RBFOX2: variants seen among roughly 807,000 people sequenced by gnomAD.
RBFOX2 encodes RNA binding fox-1 homolog 2, also known as RNA binding protein fox-1 homolog 2.
RBFOX2 carries 10 observed loss-of-function variants against 49.1 expected under a neutral mutation model. The ratio of observed to expected loss-of-function variants is 0.20; its 90% CI spans 0.13 to 0.35. The LOEUF (loss-of-function observed/expected upper bound fraction) is 0.35. Among genes scored for constraint, RBFOX2 ranks in the 10% least tolerant of loss-of-function variants. The pLI is 1.00. For synonymous variants in RBFOX2, 183 were observed against 187.4 expected, an observed-to-expected ratio of 0.98 and a Z score of 0.19; for missense variants, 323 against 486.9, an observed-to-expected ratio of 0.66 and a Z score of 3.17.
At chr22:35,875,607 G>GGTGTGTGTGTGTGTGT (rs56137825) in intron 1 of RBFOX2, among the ~76,000 whole-genome samples, 5 of 117,726 alleles carry the variant, frequency 4.2e-5, no homozygotes, top group Admixed American at 8.8e-5. Context: ...TGCTCACAAG[G>GGTGTGTGTGTGTGTGT]GTGTGTGTGT....
chr22:35,826,305 G>A (rs903489115), intron 1 of RBFOX2, among the ~76,000 whole-genome samples: 18 of 137,068 alleles, frequency 1.3e-4, no homozygotes, highest in Non-Finnish European at 2.6e-4. Flanking sequence ...TCGCGCCATC[G>A]CAGTCCAGCC....
At chr22:35,939,505 C>T (rs903169138), upstream of RBFOX2, among the ~76,000 whole-genome samples, 1 of 152,148 alleles carries the variant, frequency 6.6e-6, no homozygotes, top group African/African-American at 2.4e-5. Flanking sequence ...AAGACTTCCT[C>T]TACTACTCTA....
intron 2 of RBFOX2, among the ~76,000 whole-genome samples, chr22:35,792,657 A>T (rs1202328569): frequency 6.6e-6 from 1 of 152,246 alleles, no homozygotes; most frequent in Non-Finnish European, 1.5e-5. Context: ...GAAAATGAGC[A>T]TTGGAGTTCT....
At chr22:35,901,357 A>T (rs2048547127) in intron 1 of RBFOX2, among the ~76,000 whole-genome samples, 1 of 152,222 alleles carries the variant, frequency 6.6e-6, no homozygotes, top group East Asian at 1.9e-4. Context: ...GACTTTAAAT[A>T]ACAAATGAAG....
rs1556494263 is a variant in RBFOX2 at position 35,970,494 on chromosome 22, A to AAC, written c.187-31599_187-31598dup. On this transcript the variant is annotated intron_variant, in intron 1 of 13. Transcript: ENST00000438146. Reference sequence around the variant, plus strand: ...TGAGACCCATCTCAAAAAAAAAAAAAACACACACACTCTTCAATTAACCAG... The same window carrying AAC: ...TGAGACCCATCTCAAAAAAAAAAAAAACACACACACACTCTTCAATTAACCAG... Among the ~76,000 whole-genome samples, 338 of 151,054 alleles carry AAC rather than the reference A, an allele frequency of 2.2e-3. 1 individual carries two copies. The highest frequency in any genetic ancestry group is 8.1e-3 in the African/African-American group (329 of 40,792).
At chr22:35,755,964 T>A (rs1936776940) in intron 9 of RBFOX2, 141 bp downstream of exon 11, 3 of 358,094 alleles carry the variant, frequency 8.4e-6, no homozygotes. Flanking sequence ...TAAATATATA[T>A]ATATATATAT....
At chr22:35,885,314 T>C (rs974273770) in intron 1 of RBFOX2, among the ~76,000 whole-genome samples, 1 of 152,116 alleles carries the variant, frequency 6.6e-6, no homozygotes, top group Non-Finnish European at 1.5e-5. Flanking sequence ...AACCATGATG[T>C]TTTTTACCTA....
upstream of RBFOX2, among the ~76,000 whole-genome samples, chr22:35,842,793 G>A (rs567590162): frequency 6.6e-6 from 1 of 152,092 alleles, no homozygotes; most frequent in South Asian, 2.1e-4. Context: ...AGGCCCCAAG[G>A]AGTTTTTTTG....
At chr22:35,973,859 A>G (rs2150024628) in intron 1 of RBFOX2, among the ~76,000 whole-genome samples, 1 of 152,304 alleles carries the variant, frequency 6.6e-6, no homozygotes, top group South Asian at 2.1e-4. Context: ...TAGGGGACCG[A>G]CCACCTTGTG....
chr22:35,910,744 G>T (rs950299875), intron 1 of RBFOX2, among the ~76,000 whole-genome samples: 6 of 152,160 alleles, frequency 3.9e-5, no homozygotes, highest in Admixed American at 1.3e-4. Context: ...TTCTGAACTA[G>T]CGGAAAAAAA....
At chr22:35,835,728 A>C (rs2148755456) in intron 1 of RBFOX2, among the ~76,000 whole-genome samples, 1 of 152,346 alleles carries the variant, frequency 6.6e-6, no homozygotes, top group Middle Eastern at 3.4e-3. Context: ...GGGGTGACTA[A>C]GACGGAAAAA....
At chr22:35,963,134 C>T (rs2056351159), upstream of RBFOX2, among the ~76,000 whole-genome samples, 1 of 142,428 alleles carries the variant, frequency 7.0e-6, no homozygotes, top group South Asian at 2.2e-4. Context: ...ATCTACCCCA[C>T]AGAAAACTTA....
chr22:35,763,069 T>TA (rs1183292953), intron 6 of RBFOX2, among the ~76,000 whole-genome samples: 1 of 152,186 alleles, frequency 6.6e-6, no homozygotes, highest in Non-Finnish European at 1.5e-5. Context: ...CTGCACAAAT[T>TA]AAGAGATTCC....
rs181686490 is a variant in RBFOX2, at chr22:35,867,769, A to T, written c.-33-57765T>A. Reference sequence around the variant, plus strand: ...CAGTTCTACAATTTAAAATTTTTTTAAATTTTTTCTTTTTTACCTCCAGAG... The same window carrying T: ...CAGTTCTACAATTTAAAATTTTTTTTAATTTTTTCTTTTTTACCTCCAGAG... On this transcript the variant is annotated intron_variant, in intron 1 of 13. Transcript: ENST00000359369. Among the ~76,000 whole-genome samples the T allele has an allele frequency of 7.8e-4, 119 of 152,306 alleles. No homozygotes were observed. In the East Asian group the frequency reaches 8.9e-3, roughly 11 times the overall value.
At chr22:35,846,214 G>T (rs2041174039) in intron 1 of RBFOX2, among the ~76,000 whole-genome samples, 1 of 148,804 alleles carries the variant, frequency 6.7e-6, no homozygotes, top group Non-Finnish European at 1.5e-5. Context: ...AACTATATAA[G>T]TATAAACTAT....
chr22:35,749,523 A>G lies in RBFOX2; in HGVS notation c.888-2962T>C, dbSNP rs370918614. Among the ~76,000 whole-genome samples the G allele has an allele frequency of 1.3e-5, 2 of 152,082 alleles. No individual in the cohort carries two copies. The highest frequency in any genetic ancestry group is 1.9e-4 in the East Asian group (1 of 5,192). On this transcript the variant is annotated intron_variant, in intron 9 of 11. Transcript: ENST00000405409. The surrounding 1 kb of genome is among the most constrained non-coding windows in gnomAD (Gnocchi z 4.1). ...CTCTCTCTCTTACACACACACACGC[A>G]CACACACACATACACTTACTCGAAA...
chr22:35,937,583 T>C (rs935481527), intron 1 of RBFOX2, among the ~76,000 whole-genome samples: 5 of 152,038 alleles, frequency 3.3e-5, no homozygotes, highest in African/African-American at 1.2e-4. Flanking sequence ...TAGTTGTTGT[T>C]TTTGTTTGTT....
chr22:35,897,124 T>C (rs1270072653), intron 1 of RBFOX2: 1 of 520,898 alleles, frequency 1.9e-6, no homozygotes, highest in Non-Finnish European at 3.4e-6. Flanking sequence ...TTCTTTTTTT[T>C]TCTTTTTAAC....
chr22:35,981,756 T>C (rs1410184020), intron 1 of RBFOX2, among the ~76,000 whole-genome samples: 1 of 152,194 alleles, frequency 6.6e-6, no homozygotes, highest in African/African-American at 2.4e-5. Flanking sequence ...ACCATTTTTA[T>C]GGTTTTACTG....
Sources: gnomAD v4.1 joint callset for allele counts (sites outside exome capture counted in the v4.1 genomes callset) on GRCh38, gnomAD v4.1.1 for gene constraint, Gnocchi (gnomAD v3.1) non-coding constraint, MANE v1.5 for transcripts, NCBI Gene and HGNC (gene_info 2026-07-23, HGNC 2026-07-21) for gene names.